Variants in CRYGN observed in about 807,000 individuals in gnomAD.
CRYGN encodes gamma-crystallin N.
Under a neutral mutation model 19.2 loss-of-function variants are expected in CRYGN, and 17 were observed. That is an observed-to-expected ratio of 0.89 (90% CI 0.61 to 1.33). The LOEUF (loss-of-function observed/expected upper bound fraction) is 1.33. Ranked by LOEUF, CRYGN falls within the 40% of genes most tolerant of loss-of-function variation. The pLI, the probability that CRYGN is intolerant of heterozygous loss-of-function variation, is 0.00. For missense variants in CRYGN, 239 were observed against 239.6 expected, an observed-to-expected ratio of 1.00 and a Z score of 0.02; for synonymous variants, 84 against 85.8, an observed-to-expected ratio of 0.98 and a Z score of 0.12.
In CRYGN at chr7:151,438,210, T is replaced by C. The variant is rs2150909534; in HGVS notation, c.56A>G (p.Gln19Arg). 1 of 1,613,780 alleles carries C rather than the reference T, an allele frequency of 6.2e-7. No homozygotes were observed. Among genetic ancestry groups the C allele is most frequent in the East Asian group, 2.2e-5 (1 of 44,886 alleles). Residue 19 changes from glutamine (Q) to arginine (R), a missense_variant, in exon 2 of 4, where the codon CAG (glutamine) becomes CGG (arginine). Gln to Arg is a conservative substitution (Grantham distance 43, BLOSUM62 1). Transcript: ENST00000337323. ...ACAGTCCCCGAAGACCTCCAGCTTCTGCCCTGTGAAGTGCTTGCCTTCATA... is the reference window on the plus strand; with the variant it reads ...ACAGTCCCCGAAGACCTCCAGCTTCCGCCCTGTGAAGTGCTTGCCTTCATA... ...TLYEGKHFTG[Q>R]KLEVFGDCDN...
upstream of CRYGN, chr7:151,440,663 T>C (rs1801742424): frequency 6.5e-6 from 1 of 152,972 alleles, no homozygotes; most frequent in Admixed American, 6.5e-5. Context: ...TGACCCGCGC[T>C]GCCCTGAGCT....
rs1323726105 is a variant in CRYGN at position 151,433,248 on chromosome 7, C to T, written c.416+2932G>A. Among the ~76,000 whole-genome samples, 1 of 152,222 alleles carries T rather than the reference C, an allele frequency of 6.6e-6. No individual in the cohort carries two copies. Among genetic ancestry groups the T allele is most frequent in the Non-Finnish European group, 1.5e-5 (1 of 68,050 alleles). ...GGAGAGAACACAGCTCTTCATCACC[C>T]AGGAAGCTGTGGGCCCGGCCCAGAA... On this transcript the variant is annotated intron_variant, in intron 3 of 3. Coordinates refer to ENST00000337323, the MANE Select transcript of CRYGN (RefSeq NM_144727.3). This position sits in a 1 kb window ranked among gnomAD's most constrained non-coding sequence, Gnocchi z 5.1.
chr7:151,437,806 A>T, intron 2 of CRYGN, 190 bp downstream of exon 2: 1 of 1,460,140 alleles, frequency 6.8e-7, no homozygotes, highest in Non-Finnish European at 9.0e-7. Flanking sequence ...ACTCCCACTC[A>T]GTTCATAGCA....
In CRYGN at chr7:151,431,964, C is replaced by T. The variant is rs77795700; in HGVS notation, c.417-1784G>A. On this transcript the variant is annotated intron_variant, in intron 3 of 3. Transcript: ENST00000337323. This position sits in a 1 kb window ranked among gnomAD's most constrained non-coding sequence, Gnocchi z 4.8. ...CTGGCCCAGGGGGTCCCTGGGAGTC[C>T]GGGAAAGCGCCCTGGATCATCCAGC... 0.016 allele frequency: 6,151 copies of T among 373,646 alleles called. 61 individuals carry two copies. Among genetic ancestry groups the T allele is most frequent in the Non-Finnish European group, 0.023 (4,761 of 210,900 alleles). The allele number at this position is 373,646 out of a possible 1,614,324, so 23.1% of individuals were successfully genotyped here.
chr7:151,437,016 A>G (rs1239389677), intron 2 of CRYGN: 2 of 152,174 alleles, frequency 1.3e-5, no homozygotes, highest in Non-Finnish European at 2.9e-5. Flanking sequence ...AGTTCGCAAG[A>G]TACCAAGGAT....
intron 3 of CRYGN, among the ~76,000 whole-genome samples, chr7:151,432,760 C>T (rs1397159497): frequency 6.6e-6 from 1 of 152,140 alleles, no homozygotes; most frequent in Non-Finnish European, 1.5e-5. Flanking sequence ...GCCGAGATTG[C>T]GCCACTGCAT....
Position 151,436,029 on chromosome 7 carries a change from G to A in CRYGN, c.416+151C>T, listed in dbSNP as rs1043182379. On this transcript the variant is annotated intron_variant, in intron 3 of 3. Coordinates refer to ENST00000337323, the MANE Select transcript of CRYGN (RefSeq NM_144727.3). The surrounding 1 kb of genome is among the most constrained non-coding windows in gnomAD (Gnocchi z 5.1). ...GGGCAGGTGAGGCAGCTGAGGAAAG[G>A]AGAGGGCCTGTGGGGCCAGGGACAC... The A allele has an allele frequency of 3.9e-6, 2 of 509,322 alleles. No homozygotes were observed. Among genetic ancestry groups the A allele is most frequent in the Non-Finnish European group, 6.1e-6 (2 of 325,706 alleles). The allele number at this position is 509,322 out of a possible 1,614,324, so 31.6% of individuals were successfully genotyped here. A position where few individuals can be genotyped will look rare whatever the true frequency, so the allele number is the denominator to read the frequency against.
At chr7:151,437,411 C>G (rs1475603886) in intron 2 of CRYGN, among the ~76,000 whole-genome samples, 11 of 152,208 alleles carry the variant, frequency 7.2e-5, no homozygotes, top group Admixed American at 7.2e-4. Context: ...TAAATCCCAC[C>G]CTAGGAGCAG....
intron 2 of CRYGN, among the ~76,000 whole-genome samples, chr7:151,437,104 G>A (rs1801630901): frequency 6.6e-6 from 1 of 152,196 alleles, no homozygotes; most frequent in African/African-American, 2.4e-5. Flanking sequence ...ACCACAGCCT[G>A]GAAGAAATAC....
chr7:151,432,170 T>C lies in CRYGN; in HGVS notation c.417-1990A>G, dbSNP rs113195749. 3.4e-4 allele frequency: 414 copies of C among 1,230,838 alleles called. 6 individuals are homozygous for C. In the African/African-American group the frequency reaches 5.6e-3, roughly 17 times the overall value. 76.2% of individuals were successfully genotyped at this position (1,230,838 alleles called of 1,614,324 possible). ...CTCGGCTGGAAGAAGTTGACCACCT[T>C]GTGGAGCGACTGCACTCGTGCGCTG... is the stretch of plus-strand genomic sequence containing the variant. On this transcript the variant is annotated intron_variant, in intron 3 of 3. Coordinates refer to ENST00000337323, the MANE Select transcript of CRYGN (RefSeq NM_144727.3).
chr7:151,439,298 CCA>C (rs1563083000), intron 1 of CRYGN, among the ~76,000 whole-genome samples: 1 of 152,166 alleles, frequency 6.6e-6, no homozygotes, highest in Non-Finnish European at 1.5e-5. Flanking sequence ...ACAGTCACCC[CCA>C]GACACTCTGG....
rs1455034520 is a variant in CRYGN at position 151,436,793 on chromosome 7, A to G, written c.271-468T>C. On this transcript the variant is annotated intron_variant, in intron 2 of 3. Transcript: ENST00000337323. The surrounding 1 kb of genome is among the most constrained non-coding windows in gnomAD (Gnocchi z 5.1). The stretch of plus-strand genomic sequence containing the variant: ...AAACTGTAATAGAACCTTTTAGTAA[A>G]ACATAAAGCCAAAAATCTAAAACAA... 1 of 152,340 alleles carries G rather than the reference A, an allele frequency of 6.6e-6. No individual in the cohort carries two copies. The highest frequency in any genetic ancestry group is 1.5e-5 in the Non-Finnish European group (1 of 68,168). 9.4% of individuals were successfully genotyped at this position (152,340 alleles called of 1,614,324 possible).
intron 1 of CRYGN, 123 bp from the exon 2 acceptor site, chr7:151,438,367 C>T (rs1801676530): frequency 1.0e-6 from 1 of 959,292 alleles, no homozygotes; most frequent in East Asian, 2.5e-5. Flanking sequence ...AAGCCCAGAC[C>T]TGCTGCACAC....
chr7:151,437,338 C>T (rs1430411793), intron 2 of CRYGN, among the ~76,000 whole-genome samples: 1 of 152,212 alleles, frequency 6.6e-6, no homozygotes, highest in East Asian at 1.9e-4. Flanking sequence ...CCACTCCCCA[C>T]CTGAAGCTCC....
chr7:151,438,059 G>A lies in CRYGN; in HGVS notation c.207C>T (p.Tyr69=), dbSNP rs770135298. 6.2e-7 allele frequency: 1 copy of A among 1,614,114 alleles called. No individual in the cohort carries two copies. Among genetic ancestry groups the A allele is most frequent in the East Asian group, 2.2e-5 (1 of 44,892 alleles). Residue 69 remains tyrosine (Y), a synonymous_variant, in exon 2 of 4, where the codon TAC becomes TAT. Coordinates refer to ENST00000337323, the MANE Select transcript of CRYGN (RefSeq NM_144727.3). The stretch of plus-strand genomic sequence containing the variant: ...GGCTGTTCCAGCGGAAGAAGTCGGG[G>A]TAGTCGCCGTGCTCCAAGATGAACT... ...GQQFILEHGD[Y]PDFFRWNSHS... is the part of the protein sequence containing the mutation.
At chr7:151,434,097 C>A (rs919025690) in intron 3 of CRYGN, among the ~76,000 whole-genome samples, 1 of 152,100 alleles carries the variant, frequency 6.6e-6, no homozygotes, top group East Asian at 1.9e-4. Context: ...CCCTCCGGAT[C>A]GAGGGGACCT....
Position 151,430,031 on chromosome 7 carries a change from G to A in CRYGN, c.*17C>T, listed in dbSNP as rs930495765. 2.2e-6 allele frequency: 2 copies of A among 895,432 alleles called. No individual in the cohort carries two copies. The highest frequency in any genetic ancestry group is 1.6e-5 in the African/African-American group (1 of 61,248). 55.5% of individuals were successfully genotyped at this position (895,432 alleles called of 1,614,324 possible). A position where few individuals can be genotyped will look rare whatever the true frequency, so the allele number is the denominator to read the frequency against. ...AGAAACGGTGCAGGTGCATTTACAT[G>A]TCAATCGGTTCCAGGCTCAGAGGTT... On this transcript the variant is annotated 3_prime_UTR_variant, in exon 4 of 4. Transcript: ENST00000337323. This position sits in a 1 kb window ranked among gnomAD's most constrained non-coding sequence, Gnocchi z 5.2.
rs1801457856 is a variant in CRYGN, at chr7:151,431,340, T to C, written c.417-1160A>G. ...CCCACTGCCTGGGCCGAGTATCTCC[T>C]TCCAGGACAGACTTCTCCCTCCCCT... is the stretch of plus-strand genomic sequence containing the variant. On this transcript the variant is annotated intron_variant, in intron 3 of 3. Coordinates refer to ENST00000337323, the MANE Select transcript of CRYGN (RefSeq NM_144727.3). The surrounding 1 kb of genome is among the most constrained non-coding windows in gnomAD (Gnocchi z 4.8). Among the ~76,000 whole-genome samples the C allele has an allele frequency of 6.6e-6, 1 of 152,124 alleles. No individual in the cohort carries two copies. Among genetic ancestry groups the C allele is most frequent in the Non-Finnish European group, 1.5e-5 (1 of 67,996 alleles).
At chr7:151,437,590 T>C (rs907834504) in intron 2 of CRYGN, among the ~76,000 whole-genome samples, 1 of 152,114 alleles carries the variant, frequency 6.6e-6, no homozygotes, top group Non-Finnish European at 1.5e-5. Context: ...TTCCAAGACA[T>C]GGAAGGCTCC....
Sources: allele counts gnomAD v4.1 joint callset (sites outside exome capture counted in the v4.1 genomes callset), GRCh38; gene constraint gnomAD v4.1.1; non-coding constraint Gnocchi (gnomAD v3.1); transcripts MANE v1.5; gene names NCBI Gene and HGNC (gene_info 2026-07-23, HGNC 2026-07-21).